JDP2: variants seen among roughly 807,000 people sequenced by gnomAD.
The protein encoded by JDP2 is Jun dimerization protein 2, also known as progesterone receptor co-activator.
Under a neutral mutation model 17.1 loss-of-function variants are expected in JDP2, and 9 were observed. The observed-to-expected ratio is 0.53, with a 90% CI of 0.32 to 0.92. The LOEUF is 0.92. JDP2 is among the 40% of genes least tolerant of loss of function. The probability of loss-of-function intolerance (pLI) is 0.04; values close to 1 mark genes in which losing one functional copy is unlikely to be tolerated. For missense variants in JDP2, 179 were observed against 220.0 expected, an observed-to-expected ratio of 0.81 and a Z score of 1.18; for synonymous variants, 107 against 95.6, an observed-to-expected ratio of 1.12 and a Z score of -0.69.
At chr14:75,464,601 G>A (rs1201573781) in intron 3 of JDP2, among the ~76,000 whole-genome samples, 1 of 152,162 alleles carries the variant, frequency 6.6e-6, no homozygotes, top group African/African-American at 2.4e-5. Flanking sequence ...TATCCTCGGG[G>A]AGTCCTGGGA....
intron 2 of JDP2, among the ~76,000 whole-genome samples, chr14:75,439,300 G>A (rs1032654984): frequency 1.3e-5 from 2 of 152,248 alleles, no homozygotes; most frequent in Non-Finnish European, 2.9e-5. Flanking sequence ...CTGGCCATTT[G>A]CAGGCTGGAC....
chr14:75,451,347 T>A (rs1282368279), intron 2 of JDP2, among the ~76,000 whole-genome samples: 1 of 151,652 alleles, frequency 6.6e-6, no homozygotes, highest in Non-Finnish European at 1.5e-5. Context: ...TGACGAAGAT[T>A]TAAAATCTAG....
chr14:75,461,633 C>T, intron 3 of JDP2, 103 bp downstream of exon 3: 1 of 851,762 alleles, frequency 1.2e-6, no homozygotes. Context: ...CAATGAGCAT[C>T]TGCTGGCAGC....
intron 1 of JDP2, among the ~76,000 whole-genome samples, chr14:75,433,195 CAAAAAAAAAAAAA>C (rs780191475): frequency 5.2e-5 from 1 of 19,374 alleles, no homozygotes; most frequent in Non-Finnish European, 9.6e-5. Context: ...AACTCCGTCT[CAAAAAAAAAAAAA>C]AAAAAAAAAA....
intron 2 of JDP2, among the ~76,000 whole-genome samples, chr14:75,443,619 A>G (rs1397403153): frequency 1.3e-5 from 2 of 152,204 alleles, no homozygotes; most frequent in Non-Finnish European, 2.9e-5. Flanking sequence ...GGCAGCTATG[A>G]GTGTGTTTAA....
rs570577104 is a variant in JDP2 at position 75,469,782 on chromosome 14, A to G, written c.*307A>G. On this transcript the variant is annotated 3_prime_UTR_variant, in exon 4 of 4. Transcript: ENST00000651602. ...AGGCACCGAGGCCAGGGAGACGCCC[A>G]ACGAGGCAGCCCTGGGCTCTTCTCT... The G allele has an allele frequency of 1.1e-4, 32 of 299,406 alleles. No homozygotes were observed. In the East Asian group the frequency reaches 2.1e-3, roughly 20 times the overall value. 18.5% of individuals were successfully genotyped at this position (299,406 alleles called of 1,614,324 possible).
chr14:75,458,111 A>G (rs1273918872), intron 2 of JDP2, among the ~76,000 whole-genome samples: 2 of 152,206 alleles, frequency 1.3e-5, no homozygotes, highest in Admixed American at 6.5e-5. Context: ...CGCTTGTGGT[A>G]GGATGCGATG....
rs112563358 is a variant in JDP2 at position 75,468,104 on chromosome 14, TG to T, written c.307-1183del. On this transcript the variant is annotated intron_variant, in intron 3 of 3. Transcript: ENST00000651602. ...CCTGCCAGGAGGACTGGCAGGCTTA[TG>T]GGCTTACGGGCCCTCTGGTTGTCAC... 3.6e-3 allele frequency among the ~76,000 whole-genome samples: 542 copies of T among 152,310 alleles called. 6 individuals carry two copies. Among genetic ancestry groups the T allele is most frequent in the African/African-American group, 0.012 (508 of 41,576 alleles).
chr14:75,456,705 C>T (rs988286922), intron 2 of JDP2, among the ~76,000 whole-genome samples: 1 of 152,200 alleles, frequency 6.6e-6, no homozygotes, highest in Non-Finnish European at 1.5e-5. Context: ...CCTCCCTGTG[C>T]CTGGGGGTGA....
chr14:75,442,038 G>A (rs774179740), intron 2 of JDP2, among the ~76,000 whole-genome samples: 9 of 151,980 alleles, frequency 5.9e-5, no homozygotes, highest in African/African-American at 1.2e-4. Context: ...CTCTCGCCAC[G>A]TCTCGGTGCT....
chr14:75,464,710 A>G (rs1217596361), intron 3 of JDP2, among the ~76,000 whole-genome samples: 1 of 152,168 alleles, frequency 6.6e-6, no homozygotes, highest in African/African-American at 2.4e-5. Flanking sequence ...CCACACCTGG[A>G]AGATTCTTAA....
intron 1 of JDP2, among the ~76,000 whole-genome samples, chr14:75,433,855 G>C (rs1029309630): frequency 1.3e-5 from 2 of 152,106 alleles, no homozygotes; most frequent in Non-Finnish European, 2.9e-5. Context: ...CAATGTTGGT[G>C]TTCTGCCAAT....
chr14:75,443,220 A>G (rs1313719255), intron 2 of JDP2, among the ~76,000 whole-genome samples: 1 of 152,164 alleles, frequency 6.6e-6, no homozygotes, highest in Non-Finnish European at 1.5e-5. Flanking sequence ...AGAGACCAAG[A>G]CGTGCATCCA....
At chr14:75,458,728 A>G (rs61978935) in intron 2 of JDP2, among the ~76,000 whole-genome samples, 7,878 of 152,256 alleles carry the variant, frequency 0.052, 322 homozygotes, top group Admixed American at 0.099. Flanking sequence ...TTTTTAGCTA[A>G]AAGCAGCTGA....
intron 3 of JDP2, among the ~76,000 whole-genome samples, chr14:75,463,117 G>C (rs537911950): frequency 6.4e-4 from 98 of 152,350 alleles, no homozygotes; most frequent in Non-Finnish European, 1.2e-3. Flanking sequence ...GGCAAGATAC[G>C]CCCTAGCGGA....
intron 2 of JDP2, among the ~76,000 whole-genome samples, chr14:75,453,019 C>T (rs777414372): frequency 6.6e-6 from 1 of 151,978 alleles, no homozygotes; most frequent in African/African-American, 2.4e-5. Flanking sequence ...GGGCCTGGCC[C>T]CTGCAGGCTG....
intron 1 of JDP2, among the ~76,000 whole-genome samples, chr14:75,429,097 C>T (rs1566731697): frequency 6.6e-6 from 1 of 152,104 alleles, no homozygotes; most frequent in Non-Finnish European, 1.5e-5. Context: ...ATGGCAGAGC[C>T]AGGCTTTGCC....
chr14:75,450,628 A>G (rs936711856), intron 2 of JDP2, among the ~76,000 whole-genome samples: 3 of 152,204 alleles, frequency 2.0e-5, no homozygotes, highest in African/African-American at 7.2e-5. Flanking sequence ...TCACAGGTGA[A>G]TGTGCTTGAT....
At chr14:75,459,952 A>G (rs1370960113) in intron 2 of JDP2, among the ~76,000 whole-genome samples, 1 of 152,178 alleles carries the variant, frequency 6.6e-6, no homozygotes, top group Non-Finnish European at 1.5e-5. Flanking sequence ...GCTATTTTGT[A>G]GTTGTATGGC....
Sources: allele counts gnomAD v4.1 joint callset (sites outside exome capture counted in the v4.1 genomes callset), GRCh38; gene constraint gnomAD v4.1.1; transcripts MANE v1.5; gene names NCBI Gene and HGNC (gene_info 2026-07-23, HGNC 2026-07-21).